The following ZNF98 variants were observed in gnomAD, a reference collection of about 807,000 sequenced individuals.
The protein encoded by ZNF98 is zinc finger protein 98.
ZNF98 carries 8 observed loss-of-function variants against 12.8 expected under a neutral mutation model. The ratio of observed to expected loss-of-function variants is 0.63; its 90% confidence interval spans 0.37 to 1.13. The LOEUF is 1.13. ZNF98 is among the 50% of genes most tolerant of loss of function. ZNF98 has a pLI of 0.01. For synonymous variants in ZNF98, 112 were observed against 223.5 expected (o/e 0.50, Z 4.45); for missense variants, 379 against 666.1 (o/e 0.57, Z 4.74).
intron 2 of ZNF98, 115 bp downstream of exon 2, chr19:22,403,271 C>CAAAAAAAAAAAAAAAAAAAAA (rs372576912): frequency 1.0e-6 from 1 of 962,888 alleles, no homozygotes; most frequent in Non-Finnish European, 1.4e-6. Context: ...AAAAAAAAAA[C>CAAAAAAAAAAAAAAAAAAAAA]AAAAAAAAAA....
intron 1 of ZNF98, among the ~76,000 whole-genome samples, chr19:22,407,867 C>T (rs1175488990): frequency 4.6e-5 from 7 of 151,898 alleles, no homozygotes; most frequent in Non-Finnish European, 8.8e-5. Flanking sequence ...AACAGGAGTT[C>T]GAGACCAGCC....
chr19:22,402,002 C>A (rs1197277042), intron 3 of ZNF98, among the ~76,000 whole-genome samples: 10 of 148,926 alleles, frequency 6.7e-5, no homozygotes, highest in African/African-American at 2.5e-4. Context: ...ATGGTGACAC[C>A]CCGTCTCTAC....
chr19:22,414,232 C>CAAAAAA (rs57966582), intron 1 of ZNF98, among the ~76,000 whole-genome samples: 121 of 89,250 alleles, frequency 1.4e-3, no homozygotes, highest in East Asian at 2.6e-3. Context: ...GACTCCATCT[C>CAAAAAA]AAAAAAAAAA....
At chr19:22,409,913 CAAAAAAAAAAAA>C (rs71180546) in intron 1 of ZNF98, among the ~76,000 whole-genome samples, 8 of 89,434 alleles carry the variant, frequency 8.9e-5, no homozygotes, top group Admixed American at 8.6e-4. Context: ...CTCTATCTCA[CAAAAAAAAAAAA>C]AAAAAAAAAA....
chr19:22,400,405 G>A (rs1342854053), intron 3 of ZNF98, among the ~76,000 whole-genome samples: 2 of 152,044 alleles, frequency 1.3e-5, no homozygotes, highest in African/African-American at 4.8e-5. Flanking sequence ...ACCATATGCA[G>A]ACCCAAGTGC....
intron 1 of ZNF98, among the ~76,000 whole-genome samples, chr19:22,415,987 A>ACACACACACACACC (rs1969637848): frequency 6.7e-6 from 1 of 149,308 alleles, no homozygotes; most frequent in East Asian, 2.0e-4. Context: ...ACACACACAC[A>ACACACACACACACC]CACACACTTA....
chr19:22,408,346 T>C (rs925109319), intron 1 of ZNF98, among the ~76,000 whole-genome samples: 2 of 152,214 alleles, frequency 1.3e-5, no homozygotes, highest in Non-Finnish European at 2.9e-5. Flanking sequence ...TCATATTGAA[T>C]GGGAAAATGC....
At chr19:22,398,019 C>A (rs1969416772) in intron 3 of ZNF98, among the ~76,000 whole-genome samples, 1 of 150,668 alleles carries the variant, frequency 6.6e-6, no homozygotes, top group Non-Finnish European at 1.5e-5. Flanking sequence ...TTTATTTTAG[C>A]ATTGTTACTA....
At chr19:22,420,517 G>C (rs1969692105) in intron 1 of ZNF98, among the ~76,000 whole-genome samples, 1 of 152,154 alleles carries the variant, frequency 6.6e-6, no homozygotes, top group Non-Finnish European at 1.5e-5. Context: ...AAGCTGGGTT[G>C]GGTGAAGACA....
chr19:22,404,356 T>C (rs1412826080), intron 1 of ZNF98, among the ~76,000 whole-genome samples: 1 of 152,260 alleles, frequency 6.6e-6, no homozygotes, highest in Non-Finnish European at 1.5e-5. Flanking sequence ...AGCCTGTGTG[T>C]TTTTCAGTTT....
At chr19:22,419,146 T>C (rs1049525412) in intron 1 of ZNF98, among the ~76,000 whole-genome samples, 12 of 152,174 alleles carry the variant, frequency 7.9e-5, no homozygotes, top group African/African-American at 2.9e-4. Flanking sequence ...TGCCTGAACT[T>C]GCAATTTTTA....
chr19:22,420,366 T>G (rs1969690750), intron 1 of ZNF98, among the ~76,000 whole-genome samples: 1 of 151,988 alleles, frequency 6.6e-6, no homozygotes, highest in Admixed American at 6.6e-5. Flanking sequence ...TGAAGTCAGG[T>G]TTTTTTTCTT....
chr19:22,412,133 A>G (rs1390230885), intron 1 of ZNF98, among the ~76,000 whole-genome samples: 1 of 152,224 alleles, frequency 6.6e-6, no homozygotes, highest in Non-Finnish European at 1.5e-5. Context: ...TCTTCTCATC[A>G]TTACGTGGCA....
In ZNF98 at chr19:22,391,327, T is replaced by C; in HGVS notation, c.*189A>G. On this transcript the variant is annotated 3_prime_UTR_variant, in exon 4 of 4. Coordinates refer to ENST00000357774, the MANE Select transcript of ZNF98 (RefSeq NM_001098626.2). The stretch of plus-strand genomic sequence containing the variant: ...AAGATGTGTGCAGATATTAATCACT[T>C]TTTTACTTTCTTTATATTTGTACAT... 7.9e-7 allele frequency: 1 copy of C among 1,259,810 alleles called. No homozygotes were observed. Among genetic ancestry groups the C allele is most frequent in the Non-Finnish European group, 1.1e-6 (1 of 933,232 alleles). The allele number at this position is 1,259,810 out of a possible 1,614,324, so 78.0% of individuals were successfully genotyped here.
chr19:22,411,166 C>T (rs1002952561), intron 1 of ZNF98, among the ~76,000 whole-genome samples: 1 of 152,180 alleles, frequency 6.6e-6, no homozygotes, highest in Non-Finnish European at 1.5e-5. Context: ...TCTCAGCCTT[C>T]CGAGTAGCTG....
Position 22,402,810 on chromosome 19 carries a change from C to T in ZNF98, c.232G>A (p.Glu78Lys). 1.9e-6 allele frequency: 3 copies of T among 1,599,376 alleles called. No homozygotes were observed. Among genetic ancestry groups the T allele is most frequent in the Non-Finnish European group, 2.6e-6 (3 of 1,175,538 alleles). Residue 78 changes from glutamate (E) to lysine (K), a missense_variant, in exon 3 of 4, where the codon GAG becomes AAG. By Grantham distance (56) the Glu-to-Lys change is moderately conservative. This residue lies in a region of ZNF98 where 223 missense variants were observed against 261.6 expected (regional missense o/e 0.85). Coordinates refer to ENST00000357774, the MANE Select transcript of ZNF98 (RefSeq NM_001098626.2). Reference sequence around the variant, plus strand: ...CTACCTGGGGGTTCAGTTACCATCTCATGTCTCTTCACATTCCAAGGTTCT... The same window carrying T: ...CTACCTGGGGGTTCAGTTACCATCTTATGTCTCTTCACATTCCAAGGTTCT... ...GKEPWNVKRH[E>K]MVTEPPVVYS... is the part of the protein sequence containing the mutation.
At chr19:22,414,269 GAAAGA>G (rs1226366479) in intron 1 of ZNF98, among the ~76,000 whole-genome samples, 1 of 126,000 alleles carries the variant, frequency 7.9e-6, no homozygotes. Context: ...AAGCAAGCAA[GAAAGA>G]AAAGATCAAT....
chr19:22,421,409 G>GA, intron 1 of ZNF98, among the ~76,000 whole-genome samples: 1 of 152,238 alleles, frequency 6.6e-6, no homozygotes, highest in African/African-American at 2.4e-5. Context: ...ACATGCAAGG[G>GA]AAAATCAGTC....
chr19:22,419,211 T>G (rs1243404117), intron 1 of ZNF98, among the ~76,000 whole-genome samples: 1 of 152,194 alleles, frequency 6.6e-6, no homozygotes, highest in Non-Finnish European at 1.5e-5. Flanking sequence ...GAATTCAATT[T>G]TTACATTAAT....
Sources: allele counts gnomAD v4.1 joint callset (sites outside exome capture counted in the v4.1 genomes callset), GRCh38; gene constraint gnomAD v4.1.1; regional missense constraint gnomAD v4.1.1; transcripts MANE v1.5; gene names NCBI Gene and HGNC (gene_info 2026-07-23, HGNC 2026-07-21).